Variants in PTPN4 observed in about 807,000 individuals in gnomAD.
PTPN4 encodes tyrosine-protein phosphatase non-receptor type 4.
In PTPN4, 49 loss-of-function variants were observed where a neutral mutation model predicts 135.5. The ratio of observed to expected loss-of-function variants is 0.36; its 90% CI spans 0.29 to 0.46. PTPN4 has a LOEUF of 0.46. PTPN4 is among the 20% of genes least tolerant of loss of function. The pLI is 1.00. For missense variants in PTPN4, 860 were observed against 1,101.0 expected (o/e 0.78, Z 3.10); for synonymous variants, 333 against 369.9 (o/e 0.90, Z 1.14).
chr2:119,764,204 C>A (rs1690566119), intron 1 of PTPN4, among the ~76,000 whole-genome samples: 1 of 152,170 alleles, frequency 6.6e-6, no homozygotes, highest in Admixed American at 6.5e-5. Flanking sequence ...CCCACCTCCC[C>A]AACTGTTCGG....
At chr2:119,960,072 A>ATAT (rs1287132697) in intron 22 of PTPN4, among the ~76,000 whole-genome samples, 1 of 152,342 alleles carries the variant, frequency 6.6e-6, no homozygotes, top group Non-Finnish European at 1.5e-5. Context: ...TATATGTTGT[A>ATAT]TATAGAATAT....
intron 1 of PTPN4, among the ~76,000 whole-genome samples, chr2:119,765,683 A>G (rs1690601779): frequency 6.6e-6 from 1 of 152,252 alleles, no homozygotes; most frequent in Non-Finnish European, 1.5e-5. Context: ...ACACATGTCA[A>G]CAAACAATTA....
At chr2:119,793,499 A>G (rs1417460581) in intron 1 of PTPN4, among the ~76,000 whole-genome samples, 2 of 152,214 alleles carry the variant, frequency 1.3e-5, no homozygotes, top group Non-Finnish European at 2.9e-5. Flanking sequence ...TCCTGAGGTG[A>G]CACATACATC....
chr2:119,888,613 G>A (rs916507918), intron 9 of PTPN4, among the ~76,000 whole-genome samples: 3 of 152,006 alleles, frequency 2.0e-5, no homozygotes, highest in Non-Finnish European at 4.4e-5. Flanking sequence ...TTCTGTTCTT[G>A]TGATATATCA....
At chr2:119,972,378 T>G (rs1679549853) in intron 26 of PTPN4, among the ~76,000 whole-genome samples, 2 of 152,188 alleles carry the variant, frequency 1.3e-5, no homozygotes, top group African/African-American at 4.8e-5. Flanking sequence ...TTCCTCAGTA[T>G]TTTAGTATGT....
chr2:119,815,996 C>T (rs1176945418), intron 2 of PTPN4, among the ~76,000 whole-genome samples: 1 of 152,190 alleles, frequency 6.6e-6, no homozygotes, highest in East Asian at 1.9e-4. Context: ...TTGTGCTCCT[C>T]TAAGTATAGT....
At position 119,804,103 on chromosome 2, in the gene PTPN4, C is replaced by T. The variant is rs192708302; in HGVS notation, c.-17-5734C>T. 3.5e-3 allele frequency among the ~76,000 whole-genome samples: 526 copies of T among 151,972 alleles called. 3 individuals carry two copies. Among genetic ancestry groups the T allele is most frequent in the Non-Finnish European group, 4.7e-3 (316 of 67,956 alleles). On this transcript the variant is annotated intron_variant, in intron 1 of 26. Transcript: ENST00000263708. ...ATGTACCCCATCCCCACCCCCACTC[C>T]GCCAATCACTGTCATTTTAGTTTCT...
chr2:119,912,929 A>C (rs1048401009), intron 10 of PTPN4, among the ~76,000 whole-genome samples: 1 of 152,132 alleles, frequency 6.6e-6, no homozygotes, highest in Non-Finnish European at 1.5e-5. Context: ...TCACTATCAT[A>C]TATCTCTATA....
In PTPN4 at chr2:119,978,857, C is replaced by CAT. The variant is rs1439494834; in HGVS notation, c.*1788_*1789insTA. The CAT allele has an allele frequency of 1.3e-5, 2 of 151,958 alleles. No individual in the cohort carries two copies. Among genetic ancestry groups the CAT allele is most frequent in the African/African-American group, 4.8e-5 (2 of 41,410 alleles). 9.4% of individuals were successfully genotyped at this position (151,958 alleles called of 1,614,324 possible). ...TCTAAACGATGTCATTTCAGACATTCAAAACTCATAATAATAAATTTCAGG... is the reference window on the plus strand; with the variant it reads ...TCTAAACGATGTCATTTCAGACATTCATAAAACTCATAATAATAAATTTCAGG... On this transcript the variant is annotated 3_prime_UTR_variant, in exon 27 of 27. Transcript: ENST00000263708.
chr2:119,893,650 A>G (rs1028281359), intron 9 of PTPN4, among the ~76,000 whole-genome samples: 1 of 152,184 alleles, frequency 6.6e-6, no homozygotes, highest in Non-Finnish European at 1.5e-5. Flanking sequence ...TAGAATTTGA[A>G]GAGATGAAGA....
At chr2:119,891,094 G>A (rs1281069238) in intron 9 of PTPN4, among the ~76,000 whole-genome samples, 1 of 152,062 alleles carries the variant, frequency 6.6e-6, no homozygotes, top group Non-Finnish European at 1.5e-5. Context: ...TCTGCTTGGG[G>A]GTACAAGTAA....
At chr2:119,931,391 T>C (rs1435620254) in intron 13 of PTPN4, among the ~76,000 whole-genome samples, 1 of 151,734 alleles carries the variant, frequency 6.6e-6, no homozygotes, top group Non-Finnish European at 1.5e-5. Context: ...CAGTATCTTT[T>C]GATCTGAATG....
chr2:119,877,893 G>T (rs996614673), intron 5 of PTPN4, among the ~76,000 whole-genome samples: 58 of 149,312 alleles, frequency 3.9e-4, no homozygotes, highest in African/African-American at 1.3e-3. Context: ...AGAAATTTGG[G>T]TTTTTTTTTT....
intron 1 of PTPN4, among the ~76,000 whole-genome samples, chr2:119,765,543 T>G (rs1690599243): frequency 6.6e-6 from 1 of 152,222 alleles, no homozygotes; most frequent in African/African-American, 2.4e-5. Context: ...GAAAATTTAT[T>G]TGGTGATGAT....
chr2:119,811,954 T>C (rs1236308870), intron 2 of PTPN4, among the ~76,000 whole-genome samples: 2 of 152,114 alleles, frequency 1.3e-5, no homozygotes, highest in East Asian at 3.9e-4. Flanking sequence ...CCTGGATATA[T>C]TACCTAGAAT....
intron 3 of PTPN4, among the ~76,000 whole-genome samples, chr2:119,876,942 C>CGTGAAG (rs1677993161): frequency 1.1e-5 from 1 of 90,650 alleles, no homozygotes; most frequent in Non-Finnish European, 2.4e-5. Context: ...TGTGTGTGTG[C>CGTGAAG]GTGAAGGGTG....
chr2:119,765,756 G>A (rs1195922163), intron 1 of PTPN4, among the ~76,000 whole-genome samples: 1 of 152,186 alleles, frequency 6.6e-6, no homozygotes, highest in East Asian at 1.9e-4. Context: ...ATATGGTCTT[G>A]GAGGATCATT....
Position 119,957,089 on chromosome 2 carries a change from C to A in PTPN4, c.2133+12C>A. On this transcript the variant is annotated intron_variant, in intron 22 of 26. Transcript: ENST00000263708. ...CGAACTATATAAATGTAAGTTTATT[C>A]TTATTATGCCTTTGCCATTTGGAAA... 6.3e-7 allele frequency: 1 copy of A among 1,587,764 alleles called. No individual in the cohort carries two copies. Among genetic ancestry groups the A allele is most frequent in the African/African-American group, 1.4e-5 (1 of 73,738 alleles).
intron 1 of PTPN4, among the ~76,000 whole-genome samples, chr2:119,800,001 GA>G (rs1691333145): frequency 6.6e-6 from 1 of 152,072 alleles, no homozygotes; most frequent in Non-Finnish European, 1.5e-5. Context: ...AGATAAAATA[GA>G]AAAAAATTGT....
Sources: allele counts gnomAD v4.1 joint callset (sites outside exome capture counted in the v4.1 genomes callset), GRCh38; gene constraint gnomAD v4.1.1; transcripts MANE v1.5; gene names NCBI Gene and HGNC (gene_info 2026-07-23, HGNC 2026-07-21).